The following PDE10A variants were observed in gnomAD, a reference collection of about 807,000 sequenced individuals.
PDE10A encodes the protein phosphodiesterase 10A.
A neutral mutation model predicts 97.7 loss-of-function variants in PDE10A; 39 were observed. The observed-to-expected ratio is 0.40, with a 90% CI of 0.31 to 0.52. The LOEUF is 0.52. PDE10A is among the 20% of genes least tolerant of loss of function. PDE10A has a pLI of 0.56. For missense variants in PDE10A, 731 were observed against 1,047.8 expected (o/e 0.70, Z 4.17); for synonymous variants, 371 against 376.8 (o/e 0.98, Z 0.18).
chr6:165,673,265 G>C (rs1790699060), intron 1 of PDE10A, among the ~76,000 whole-genome samples: 1 of 152,200 alleles, frequency 6.6e-6, no homozygotes, highest in South Asian at 2.1e-4. Context: ...TTAACCCCTA[G>C]TGCATGTATA....
intron 1 of PDE10A, among the ~76,000 whole-genome samples, chr6:165,695,215 A>G (rs1791413178): frequency 6.6e-6 from 1 of 151,914 alleles, no homozygotes; most frequent in Non-Finnish European, 1.5e-5. Context: ...CTACCAAAAA[A>G]AAAAAAAAGA....
intron 2 of PDE10A, among the ~76,000 whole-genome samples, chr6:165,503,302 T>G (rs1225156525): frequency 6.6e-6 from 1 of 152,190 alleles, no homozygotes; most frequent in African/African-American, 2.4e-5. Context: ...ATATTATTCC[T>G]TTCCCTTAAA....
chr6:165,916,640 C>G lies in PDE10A; in HGVS notation c.-615+70889G>C, dbSNP rs1782610468. Among the ~76,000 whole-genome samples the G allele has an allele frequency of 2.0e-5, 3 of 152,344 alleles. No homozygotes were observed. The South Asian group carries it at 6.2e-4, about 32-fold the overall frequency. ...GCTTGGAGCCAGCTCCACATGCATA[C>G]TAAGCTTTCATTTATTTCATTTATT... On this transcript the variant is annotated intron_variant, in intron 1 of 19. Transcript: ENST00000366882.
chr6:165,466,242 T>C (rs930797911), intron 3 of PDE10A, among the ~76,000 whole-genome samples: 1 of 152,242 alleles, frequency 6.6e-6, no homozygotes, highest in Non-Finnish European at 1.5e-5. Context: ...AAAAGGGCTT[T>C]TCACACTAAC....
At chr6:165,946,498 T>TAAAAAA (rs57063900) in intron 1 of PDE10A, among the ~76,000 whole-genome samples, 6 of 128,448 alleles carry the variant, frequency 4.7e-5, no homozygotes, top group Admixed American at 8.4e-5. Flanking sequence ...TATCTCAAAA[T>TAAAAAA]AAAAAAAAAA....
chr6:165,699,906 T>C (rs1791527472), intron 1 of PDE10A, among the ~76,000 whole-genome samples: 1 of 151,682 alleles, frequency 6.6e-6, no homozygotes, highest in Non-Finnish European at 1.5e-5. Context: ...ATAACCTAAC[T>C]TTTCACCTTA....
intron 2 of PDE10A, among the ~76,000 whole-genome samples, chr6:165,531,396 T>C (rs1226865562): frequency 1.3e-5 from 2 of 151,896 alleles, no homozygotes; most frequent in African/African-American, 4.8e-5. Context: ...AGCTGTGTGC[T>C]TTTCTATATT....
intron 1 of PDE10A, among the ~76,000 whole-genome samples, chr6:165,792,320 A>C (rs1408611730): frequency 6.6e-6 from 1 of 152,172 alleles, no homozygotes; most frequent in African/African-American, 2.4e-5. Flanking sequence ...CAGGCTGCAG[A>C]GGGCCAGAGC....
chr6:165,393,112 C>G (rs1251013542), intron 15 of PDE10A, among the ~76,000 whole-genome samples: 1 of 152,148 alleles, frequency 6.6e-6, no homozygotes, highest in Non-Finnish European at 1.5e-5. Flanking sequence ...TTTAGTTTTA[C>G]GTTCATTTCC....
At position 165,332,779 on chromosome 6, in the gene PDE10A, T is replaced by C; in HGVS notation, c.*246A>G. On this transcript the variant is annotated 3_prime_UTR_variant, in exon 22 of 22. Coordinates refer to ENST00000539869, the MANE Select transcript of PDE10A (RefSeq NM_001385079.1). ...AGGCTGGTTTGCAAGTCAAATGGAGTCACTTGGCCAGCTGATTTCTGAACG... is the reference window on the plus strand; with the variant it reads ...AGGCTGGTTTGCAAGTCAAATGGAGCCACTTGGCCAGCTGATTTCTGAACG... The C allele has an allele frequency of 2.1e-6, 1 of 467,894 alleles. No homozygotes were observed. Among genetic ancestry groups the C allele is most frequent in the South Asian group, 3.5e-5 (1 of 28,816 alleles). 29.0% of individuals were successfully genotyped at this position (467,894 alleles called of 1,614,324 possible). A position where few individuals can be genotyped will look rare whatever the true frequency, so the allele number is the denominator to read the frequency against.
intron 1 of PDE10A, among the ~76,000 whole-genome samples, chr6:165,579,538 T>C (rs1785496833): frequency 6.6e-6 from 1 of 152,150 alleles, no homozygotes; most frequent in Non-Finnish European, 1.5e-5. Context: ...ATCCAAAACC[T>C]AATCATGTTT....
chr6:165,498,466 ATCAGTAACAG>A (rs1279057500), intron 2 of PDE10A, among the ~76,000 whole-genome samples: 1 of 128,882 alleles, frequency 7.8e-6, no homozygotes, highest in Admixed American at 8.3e-5. Flanking sequence ...AAAAAAAAAA[ATCAGTAACAG>A]AGTAAGAGTT....
chr6:165,983,711 A>G (rs541059845), intron 1 of PDE10A, among the ~76,000 whole-genome samples: 6 of 152,322 alleles, frequency 3.9e-5, no homozygotes, highest in South Asian at 2.1e-4. Flanking sequence ...GGTCAGCAAC[A>G]CCAACATATA....
At chr6:165,566,336 T>A (rs1326247113) in intron 1 of PDE10A, among the ~76,000 whole-genome samples, 1 of 152,102 alleles carries the variant, frequency 6.6e-6, no homozygotes, top group Non-Finnish European at 1.5e-5. Flanking sequence ...ACATTATATA[T>A]CATGAGGGAA....
intron 2 of PDE10A, among the ~76,000 whole-genome samples, chr6:165,485,214 G>A (rs1779832212): frequency 6.6e-6 from 1 of 152,106 alleles, no homozygotes; most frequent in Admixed American, 6.5e-5. Flanking sequence ...GCTCACGCCT[G>A]TAATCCTAGC....
At chr6:165,407,164 T>C (rs1321067257) in intron 13 of PDE10A, among the ~76,000 whole-genome samples, 1 of 152,168 alleles carries the variant, frequency 6.6e-6, no homozygotes, top group Non-Finnish European at 1.5e-5. Flanking sequence ...TGGAGAACCC[T>C]AATGCACCCT....
chr6:165,772,618 A>G (rs1341240749), intron 1 of PDE10A, among the ~76,000 whole-genome samples: 1 of 152,130 alleles, frequency 6.6e-6, no homozygotes, highest in Non-Finnish European at 1.5e-5. Flanking sequence ...GGCCCTTCCG[A>G]ACTCTATGGT....
In PDE10A at chr6:165,924,208, C is replaced by G. The variant is rs759982082; in HGVS notation, c.-615+63321G>C. On this transcript the variant is annotated intron_variant, in intron 1 of 19. Transcript: ENST00000366882. ...TCCAAGTTGGATAAAATATCTCTCT[C>G]TGTGTGTCCAACTCGTGGCTTACAT... 8.8e-4 allele frequency among the ~76,000 whole-genome samples: 134 copies of G among 152,318 alleles called. 1 individual carries two copies. Among genetic ancestry groups the G allele is most frequent in the Non-Finnish European group, 3.5e-4 (24 of 68,022 alleles).
At chr6:165,689,434 T>C (rs895807212) in intron 1 of PDE10A, among the ~76,000 whole-genome samples, 50 of 152,170 alleles carry the variant, frequency 3.3e-4, no homozygotes, top group African/African-American at 1.2e-3. Context: ...CCAGATCTCA[T>C]GAGGAAATGT....
Sources: gnomAD v4.1 joint callset for allele counts (sites outside exome capture counted in the v4.1 genomes callset) on GRCh38, gnomAD v4.1.1 for gene constraint, MANE v1.5 for transcripts, NCBI Gene and HGNC (gene_info 2026-07-23, HGNC 2026-07-21) for gene names.